The following SGO2 variants were observed in gnomAD, a reference collection of about 807,000 sequenced individuals.
The protein encoded by SGO2 is shugoshin-like 2.
In SGO2, 68 loss-of-function variants were observed where a neutral mutation model predicts 99.5. That is an observed-to-expected ratio of 0.68 (90% CI 0.56 to 0.84). SGO2 has a LOEUF of 0.84. Ranked by LOEUF, SGO2 falls within the 40% of genes least tolerant of loss-of-function variation. The probability of loss-of-function intolerance (pLI) is 0.00; values close to 1 mark genes in which losing one functional copy is unlikely to be tolerated. For missense variants in SGO2, 1,350 were observed against 1,436.7 expected (o/e 0.94, Z 0.97); for synonymous variants, 457 against 487.1 (o/e 0.94, Z 0.81).
chr2:200,542,009 T>G (rs1379837613), intron 4 of SGO2, among the ~76,000 whole-genome samples: 2 of 152,170 alleles, frequency 1.3e-5, no homozygotes, highest in South Asian at 4.1e-4. Flanking sequence ...TGCATTTTCA[T>G]ATGAATTTTA....
At chr2:200,566,147 T>C (rs1311229422) in intron 5 of SGO2, among the ~76,000 whole-genome samples, 2 of 152,200 alleles carry the variant, frequency 1.3e-5, no homozygotes, top group Non-Finnish European at 2.9e-5. Flanking sequence ...GAAGAGGTGC[T>C]CTAATTTTTA....
At chr2:200,526,206 C>T (rs2031073639), upstream of SGO2, 3 of 152,494 alleles carry the variant, frequency 2.0e-5, no homozygotes, top group South Asian at 6.2e-4. The surrounding 1 kb of genome is among the most constrained non-coding windows in gnomAD (Gnocchi z 4.8). Context: ...CGCTGCTGCT[C>T]GCCGAGCTCC....
intron 7 of SGO2, among the ~76,000 whole-genome samples, chr2:200,574,873 A>C (rs919150202): frequency 6.6e-6 from 1 of 151,962 alleles, no homozygotes; most frequent in Non-Finnish European, 1.5e-5. Flanking sequence ...CTATTATTTC[A>C]ATATATGTGT....
At chr2:200,528,494 G>A (rs922429975) in intron 1 of SGO2, among the ~76,000 whole-genome samples, 5 of 152,192 alleles carry the variant, frequency 3.3e-5, no homozygotes, top group Non-Finnish European at 5.9e-5. Flanking sequence ...CTGAAAGAAT[G>A]GAGTTGTCAT....
chr2:200,553,581 C>G lies in SGO2; in HGVS notation c.473+10917C>G, dbSNP rs1010879341. 5.3e-5 allele frequency among the ~76,000 whole-genome samples: 8 copies of G among 152,188 alleles called. No homozygotes were observed. The South Asian group carries it at 6.2e-4, about 12-fold the overall frequency. The stretch of plus-strand genomic sequence containing the variant: ...TAATTTTCTTCTCTCTCCAGTATCA[C>G]ATTTTTACTAAAGACAAATCATAAT... On this transcript the variant is annotated intron_variant, in intron 5 of 8. Transcript: ENST00000357799.
intron 8 of SGO2, among the ~76,000 whole-genome samples, chr2:200,582,398 C>G (rs2033867232): frequency 6.6e-6 from 1 of 152,036 alleles, no homozygotes; most frequent in African/African-American, 2.4e-5. Context: ...AGATCTTCTT[C>G]CATAAAGTTG....
rs1354639367 is a variant in SGO2, at chr2:200,572,760, G to A, written c.2414G>A (p.Gly805Asp). The change falls in exon 7 of 9, where the codon GGT becomes GAT. Residue 805 changes from glycine to aspartate, a missense_variant. Physicochemically the swap from Gly to Asp is moderately conservative, Grantham distance 94. Transcript: ENST00000357799. ...GCTTGTCAAAATGATTCAAAAATAG[G>A]TAAGAAGCCTAGACTAAATGTATGT... is the stretch of plus-strand genomic sequence containing the variant. ...QPACQNDSKI[G>D]KKPRLNVCQK... The A allele has an allele frequency of 1.2e-6, 2 of 1,612,740 alleles. No homozygotes were observed. The highest frequency in any genetic ancestry group is 1.7e-6 in the Non-Finnish European group (2 of 1,179,364).
chr2:200,561,015 G>A lies in SGO2; in HGVS notation c.474-8648G>A, dbSNP rs371718293. ...CATCTAGTCAGTAAAGTTTATTGGT[G>A]TAAAGTTACTTATACTATGCTTTTC... On this transcript the variant is annotated intron_variant, in intron 5 of 8. Transcript: ENST00000357799. 7.2e-5 allele frequency among the ~76,000 whole-genome samples: 11 copies of A among 152,178 alleles called. No individual in the cohort carries two copies. In the East Asian group the frequency reaches 2.1e-3, roughly 29 times the overall value.
intron 1 of SGO2, among the ~76,000 whole-genome samples, chr2:200,529,357 A>T (rs1199769557): frequency 1.3e-5 from 2 of 152,212 alleles, no homozygotes; most frequent in Admixed American, 6.5e-5. Flanking sequence ...GCGCTATTCC[A>T]TGCGCTGGGG....
In SGO2 at chr2:200,571,249, A is replaced by C; in HGVS notation, c.903A>C (p.Ser301=). The C allele has an allele frequency of 2.5e-6, 4 of 1,613,528 alleles. No individual in the cohort carries two copies. The highest frequency in any genetic ancestry group is 3.4e-6 in the Non-Finnish European group (4 of 1,179,654). The part of the protein sequence containing the change: ...CATVLDKQHI[S]SPELNCNNEI... ...CAGTTTTAGATAAACAACACATTTC[A>C]AGTCCAGAATTAAATTGCAATAATG... Residue 301 remains serine, a synonymous_variant, in exon 7 of 9, where the codon TCA becomes TCC. Coordinates refer to ENST00000357799, the MANE Select transcript of SGO2 (RefSeq NM_152524.6).
At position 200,534,952 on chromosome 2, in the gene SGO2, A is replaced by G. The variant is rs1455984606; in HGVS notation, c.134-44A>G. On this transcript the variant is annotated intron_variant, in intron 2 of 8. Transcript: ENST00000357799. ...TACTAAGGAATATAAAAATTTCTTA[A>G]GGTATAAGCTGAATATTAACTCATT... is the stretch of plus-strand genomic sequence containing the variant. 10 of 1,323,646 alleles carry G rather than the reference A, an allele frequency of 7.6e-6. No homozygotes were observed. The South Asian group carries it at 1.4e-4, about 19-fold the overall frequency. The allele number at this position is 1,323,646 out of a possible 1,614,324, so 82.0% of individuals were successfully genotyped here. A position where few individuals can be genotyped will look rare whatever the true frequency, so the allele number is the denominator to read the frequency against.
chr2:200,574,100 A>C (rs1439094993), intron 7 of SGO2, 123 bp downstream of exon 7: 10 of 678,336 alleles, frequency 1.5e-5, no homozygotes, highest in Non-Finnish European at 2.1e-5. Context: ...AAAACAATAT[A>C]TAACTGAGTA....
intron 5 of SGO2, among the ~76,000 whole-genome samples, chr2:200,553,527 A>G (rs1044905284): frequency 1.3e-5 from 2 of 152,208 alleles, no homozygotes; most frequent in African/African-American, 2.4e-5. Context: ...CTAGAATCCA[A>G]TAACAGGTGT....
At chr2:200,535,271 G>GA in intron 3 of SGO2, 100 bp downstream of exon 3, 1 of 1,103,284 alleles carries the variant, frequency 9.1e-7, no homozygotes, top group Non-Finnish European at 1.3e-6. Flanking sequence ...CTCCAATAGT[G>GA]AAAAATTATT....
Position 200,532,286 on chromosome 2 carries a change from T to TG in SGO2, c.-2-688_-2-687insG, listed in dbSNP as rs1379159047. 318 of 460,202 alleles carry TG rather than the reference T, an allele frequency of 6.9e-4. 3 individuals are homozygous for TG. The African/African-American group carries it at 7.0e-3, about 10-fold the overall frequency. 28.5% of individuals were successfully genotyped at this position (460,202 alleles called of 1,614,324 possible). The stretch of plus-strand genomic sequence containing the variant: ...CAGAGTTTTTTGTTTTTTTTTTTGT[T>TG]TTTTTTTTTTTTTCAGATCTCTTCA... On this transcript the variant is annotated intron_variant, in intron 1 of 8. Coordinates refer to ENST00000357799, the MANE Select transcript of SGO2 (RefSeq NM_152524.6).
At chr2:200,577,215 A>G (rs1452025613) in intron 8 of SGO2, among the ~76,000 whole-genome samples, 1 of 151,828 alleles carries the variant, frequency 6.6e-6, no homozygotes, top group African/African-American at 2.4e-5. Flanking sequence ...GACTGATTCT[A>G]GCCGTCCTAG....
chr2:200,579,913 TCATTATAATTTATAGTG>T (rs1213136997), intron 8 of SGO2, among the ~76,000 whole-genome samples: 1 of 152,212 alleles, frequency 6.6e-6, no homozygotes, highest in Non-Finnish European at 1.5e-5. Flanking sequence ...AATTTATATT[TCATTATAATTTATAGTG>T]CATTATAATT....
At chr2:200,552,309 A>G (rs2032524392) in intron 5 of SGO2, among the ~76,000 whole-genome samples, 1 of 152,190 alleles carries the variant, frequency 6.6e-6, no homozygotes, top group Non-Finnish European at 1.5e-5. Flanking sequence ...AACTGAGATT[A>G]CAGTTGTGTG....
At chr2:200,579,344 G>A (rs995171341) in intron 8 of SGO2, among the ~76,000 whole-genome samples, 10 of 152,106 alleles carry the variant, frequency 6.6e-5, no homozygotes, top group Non-Finnish European at 1.3e-4. Context: ...CTGTTTGTAT[G>A]CCTCTTACTG....
Sources: gnomAD v4.1 joint callset for allele counts (sites outside exome capture counted in the v4.1 genomes callset) on GRCh38, gnomAD v4.1.1 for gene constraint, Gnocchi (gnomAD v3.1) non-coding constraint, MANE v1.5 for transcripts, NCBI Gene and HGNC (gene_info 2026-07-23, HGNC 2026-07-21) for gene names.